The following GRID1 variants were observed in gnomAD, a reference collection of about 807,000 sequenced individuals.
GRID1 encodes glutamate receptor ionotropic, delta-1.
GRID1 carries 28 observed loss-of-function variants against 98.0 expected under a neutral mutation model. The ratio of observed to expected loss-of-function variants is 0.29; its 90% CI spans 0.21 to 0.39. The LOEUF (loss-of-function observed/expected upper bound fraction) is 0.39, where lower values mean the gene tolerates loss of function less well. GRID1 is among the 10% of genes least tolerant of loss of function. The pLI, the probability that GRID1 is intolerant of heterozygous loss-of-function variation, is 1.00. For synonymous variants in GRID1, 553 were observed against 538.5 expected, an observed-to-expected ratio of 1.03 and a Z score of -0.37; for missense variants, 1,111 against 1,340.5, an observed-to-expected ratio of 0.83 and a Z score of 2.67.
chr10:86,135,296 T>C (rs1236931409), intron 4 of GRID1, among the ~76,000 whole-genome samples: 7 of 152,096 alleles, frequency 4.6e-5, no homozygotes, highest in Admixed American at 3.9e-4. Flanking sequence ...TAGGGTATGA[T>C]TGGAAAGAGC....
chr10:86,189,122 C>A (rs1253702485), intron 3 of GRID1, among the ~76,000 whole-genome samples: 1 of 152,176 alleles, frequency 6.6e-6, no homozygotes, highest in Admixed American at 6.5e-5. Context: ...AGCTCTACTC[C>A]CCTTCTCTAA....
chr10:86,185,243 A>C (rs1240484744), intron 3 of GRID1, among the ~76,000 whole-genome samples: 4 of 151,986 alleles, frequency 2.6e-5, no homozygotes, highest in Non-Finnish European at 5.9e-5. Context: ...TTTGTATGCT[A>C]TTGTAAATAG....
intron 4 of GRID1, among the ~76,000 whole-genome samples, chr10:85,959,543 AC>A (rs1399859885): frequency 1.6e-5 from 1 of 64,412 alleles, no homozygotes; most frequent in Non-Finnish European, 3.5e-5. Flanking sequence ...ACCCGCCCCC[AC>A]CCGAGGCAAC....
intron 4 of GRID1, among the ~76,000 whole-genome samples, chr10:86,081,498 G>A (rs1402109284): frequency 6.6e-6 from 1 of 152,182 alleles, no homozygotes; most frequent in African/African-American, 2.4e-5. Context: ...TGATAGACAT[G>A]GCAGTGAATG....
chr10:86,027,855 A>G (rs373369936), intron 4 of GRID1, among the ~76,000 whole-genome samples: 1 of 152,252 alleles, frequency 6.6e-6, no homozygotes, highest in Non-Finnish European at 1.5e-5. Flanking sequence ...GAAACTGCTC[A>G]TCATTAACCT....
intron 4 of GRID1, among the ~76,000 whole-genome samples, chr10:86,055,184 TA>T (rs1409446656): frequency 4.6e-5 from 7 of 152,204 alleles, no homozygotes; most frequent in Non-Finnish European, 8.8e-5. Context: ...TCACGAGAAA[TA>T]AAACGTGGTT....
chr10:85,675,191 C>T lies in GRID1; in HGVS notation c.1998-27794G>A, dbSNP rs568879749. Among the ~76,000 whole-genome samples, 4 of 152,250 alleles carry T rather than the reference C, an allele frequency of 2.6e-5. No individual in the cohort carries two copies. In the East Asian group the frequency reaches 7.7e-4, roughly 29 times the overall value. On this transcript the variant is annotated intron_variant, in intron 12 of 15. Transcript: ENST00000327946. ...TACTCTTGGAGGGTCTAGAAGATAC[C>T]TAGTGATGCTGTCTGCTCTGGAGCT...
intron 4 of GRID1, among the ~76,000 whole-genome samples, chr10:86,051,578 TA>T (rs1305567067): frequency 6.7e-6 from 1 of 148,530 alleles, no homozygotes; most frequent in Non-Finnish European, 1.5e-5. Context: ...AATCAAGGTA[TA>T]AAACCCCTGC....
At chr10:86,164,840 G>T (rs544558826) in intron 3 of GRID1, among the ~76,000 whole-genome samples, 1 of 152,158 alleles carries the variant, frequency 6.6e-6, no homozygotes, top group Non-Finnish European at 1.5e-5. Context: ...GGGCCCCAAG[G>T]GGTAGTGGAT....
chr10:85,870,606 A>C (rs575717068), intron 5 of GRID1, among the ~76,000 whole-genome samples: 1 of 152,354 alleles, frequency 6.6e-6, no homozygotes, highest in South Asian at 2.1e-4. Flanking sequence ...GCTGGTAGGC[A>C]GGGCACAGTT....
intron 4 of GRID1, among the ~76,000 whole-genome samples, chr10:86,003,470 T>C (rs1309140550): frequency 2.0e-5 from 3 of 152,244 alleles, no homozygotes; most frequent in African/African-American, 7.2e-5. Context: ...CTTCAGTGAC[T>C]AATCAGGGAA....
chr10:85,994,185 GC>G (rs559970439), intron 4 of GRID1, among the ~76,000 whole-genome samples: 115 of 152,248 alleles, frequency 7.6e-4, no homozygotes, highest in African/African-American at 2.6e-3. Flanking sequence ...TTGACCCAAT[GC>G]CTCCAAACAG....
At chr10:85,723,273 C>T (rs551086291) in intron 11 of GRID1, 132 bp from the exon 12 acceptor site, 405 of 862,118 alleles carry the variant, frequency 4.7e-4, no homozygotes, top group Non-Finnish European at 6.3e-4. Context: ...AGGTGACTGT[C>T]AGCTGGGTCT....
At chr10:86,109,973 T>C (rs1208321207) in intron 4 of GRID1, among the ~76,000 whole-genome samples, 7 of 1,700 alleles carry the variant, frequency 4.1e-3, no homozygotes, top group African/African-American at 5.7e-3. Context: ...CTGCCATTCT[T>C]TTTTTTTTTT....
At chr10:85,784,821 G>T (rs890841845) in intron 8 of GRID1, among the ~76,000 whole-genome samples, 2 of 152,202 alleles carry the variant, frequency 1.3e-5, no homozygotes, top group Non-Finnish European at 2.9e-5. Context: ...GAAACATTTG[G>T]TAAACACAAG....
chr10:85,808,570 C>T (rs886454722), intron 8 of GRID1, among the ~76,000 whole-genome samples: 9 of 152,048 alleles, frequency 5.9e-5, no homozygotes, highest in African/African-American at 1.9e-4. Context: ...ATAAACATCT[C>T]GATGAATAAA....
chr10:86,078,530 G>A (rs931477587), intron 4 of GRID1, among the ~76,000 whole-genome samples: 1 of 152,190 alleles, frequency 6.6e-6, no homozygotes, highest in African/African-American at 2.4e-5. Context: ...ACATAAACCT[G>A]GGACTCATAC....
At chr10:86,193,497 G>T (rs1157129880) in intron 3 of GRID1, among the ~76,000 whole-genome samples, 1 of 151,942 alleles carries the variant, frequency 6.6e-6, no homozygotes, top group African/African-American at 2.4e-5. Context: ...TCTCATGATG[G>T]CCAATCATCC....
At chr10:86,181,030 C>T (rs1482498733) in intron 3 of GRID1, among the ~76,000 whole-genome samples, 1 of 152,252 alleles carries the variant, frequency 6.6e-6, no homozygotes, top group African/African-American at 2.4e-5. Context: ...GCTGAACCTC[C>T]CCCGAACACA....
Sources: gnomAD v4.1 joint callset for allele counts (sites outside exome capture counted in the v4.1 genomes callset) on GRCh38, gnomAD v4.1.1 for gene constraint, MANE v1.5 for transcripts, NCBI Gene and HGNC (gene_info 2026-07-23, HGNC 2026-07-21) for gene names.